Variants in COL11A1 observed in about 807,000 individuals in gnomAD.
COL11A1 encodes the protein collagen type XI alpha 1 chain.
A neutral mutation model predicts 265.2 loss-of-function variants in COL11A1; 74 were observed. That is an observed-to-expected ratio of 0.28 (90% confidence interval 0.23 to 0.34). COL11A1 has a LOEUF of 0.34. Ranked by LOEUF, COL11A1 falls within the 10% of genes least tolerant of loss-of-function variation. COL11A1 has a pLI of 1.00. For missense variants in COL11A1, 2,165 were observed against 2,263.6 expected (o/e 0.96, Z 0.88); for synonymous variants, 816 against 727.6 (o/e 1.12, Z -1.96).
At position 102,914,729 on chromosome 1, in the gene COL11A1, C is replaced by A; in HGVS notation, c.3899G>T (p.Gly1300Val). The stretch of plus-strand genomic sequence containing the variant: ...CGGGTTACCCTTAGGGCCATCATCA[C>A]CTGGTGGCCCCTTGGCACCTGGAGG... ...AGPPGAKGPP[G>V]DDGPKGNPGP... The change falls in exon 51 of 67, where the codon GGT (glycine) becomes GTT (valine). Residue 1300 changes from glycine to valine, a missense_variant. Physicochemically the swap from Gly to Val is moderately radical, Grantham distance 109. Transcript: ENST00000370096. 1 of 1,613,056 alleles carries A rather than the reference C, an allele frequency of 6.2e-7. No individual in the cohort carries two copies. The highest frequency in any genetic ancestry group is 8.5e-7 in the Non-Finnish European group (1 of 1,179,544).
intron 7 of COL11A1, among the ~76,000 whole-genome samples, chr1:103,024,278 C>T (rs1232926092): frequency 1.3e-5 from 2 of 152,176 alleles, no homozygotes; most frequent in Non-Finnish European, 1.5e-5. Context: ...AGGCATGCAC[C>T]AGCATGCCCA....
intron 12 of COL11A1, 59 bp from the exon 13 acceptor site, chr1:103,014,653 G>A (rs997581101): frequency 2.5e-5 from 36 of 1,422,602 alleles, no homozygotes; most frequent in Middle Eastern, 3.5e-4. Flanking sequence ...GTTGAATTAC[G>A]TGCTTTGATC....
rs1665147145 is a variant in COL11A1, at chr1:103,001,948, G to C, written c.2119C>G (p.Pro707Ala). 1 of 1,613,134 alleles carries C rather than the reference G, an allele frequency of 6.2e-7. No homozygotes were observed. Among genetic ancestry groups the C allele is most frequent in the Non-Finnish European group, 8.5e-7 (1 of 1,179,310 alleles). ...ACTTTTTCACCAGGAGGACCAATTG[G>C]ACCTTGTGGACCAGGAAGACCCTAT... ...GPQGLPGPQG[P>A]IGPPGEKGPQ... The change falls in exon 24 of 67, where the codon CCA becomes GCA. Residue 707 changes from proline to alanine, a missense_variant. Transcript: ENST00000370096.
At chr1:103,013,168 CTT>C (rs1666268131) in intron 13 of COL11A1, among the ~76,000 whole-genome samples, 1 of 151,944 alleles carries the variant, frequency 6.6e-6, no homozygotes, top group African/African-American at 2.4e-5. Context: ...CAGATGAACA[CTT>C]AGATTTATCA....
intron 1 of COL11A1, among the ~76,000 whole-genome samples, chr1:103,088,372 G>T (rs1474023716): frequency 2.0e-5 from 3 of 152,180 alleles, no homozygotes; most frequent in Non-Finnish European, 4.4e-5. Flanking sequence ...AACTAAATTG[G>T]TTTTTGTAAC....
At chr1:102,935,527 G>A (rs1367476194) in intron 44 of COL11A1, among the ~76,000 whole-genome samples, 1 of 152,118 alleles carries the variant, frequency 6.6e-6, no homozygotes, top group Non-Finnish European at 1.5e-5. Flanking sequence ...AATTCTGAGG[G>A]TTCTATACAG....
At chr1:102,921,440 C>T (rs1218468500) in intron 48 of COL11A1, 78 bp downstream of exon 48, 1 of 1,193,062 alleles carries the variant, frequency 8.4e-7, no homozygotes, top group Non-Finnish European at 1.2e-6. Flanking sequence ...ATTGTTATAA[C>T]TCACAAAGAG....
At chr1:103,019,923 A>G (rs966606783) in intron 9 of COL11A1, among the ~76,000 whole-genome samples, 1 of 147,462 alleles carries the variant, frequency 6.8e-6, no homozygotes, top group African/African-American at 2.5e-5. Flanking sequence ...TGAACTCATC[A>G]TTTTTTATGG....
At chr1:103,010,844 G>T (rs2101882613) in intron 14 of COL11A1, among the ~76,000 whole-genome samples, 1 of 152,100 alleles carries the variant, frequency 6.6e-6, no homozygotes, top group African/African-American at 2.4e-5. Context: ...GGGATTACAG[G>T]CATGTGCCAC....
At chr1:103,095,358 A>C (rs373400191) in intron 1 of COL11A1, among the ~76,000 whole-genome samples, 1 of 152,062 alleles carries the variant, frequency 6.6e-6, no homozygotes, top group East Asian at 1.9e-4. Context: ...TTTGATTAGT[A>C]CTAAGGAAAA....
chr1:102,943,436 T>TACAC lies in COL11A1; in HGVS notation c.3277-3006_3277-3003dup, dbSNP rs1276350011. On this transcript the variant is annotated intron_variant, in intron 42 of 66. Transcript: ENST00000370096. ...CTGTTTGATGGCATGCCTCTGGAGA[T>TACAC]ACACACACACACACATACACACACA... 9.2e-3 allele frequency among the ~76,000 whole-genome samples: 1,250 copies of TACAC among 135,440 alleles called. 17 individuals carry two copies. Among genetic ancestry groups the TACAC allele is most frequent in the African/African-American group, 0.034 (1,196 of 35,004 alleles). 88.9% of individuals were successfully genotyped at this position (135,440 alleles called of 152,430 possible).
At chr1:103,052,386 C>T (rs1057203380) in intron 4 of COL11A1, among the ~76,000 whole-genome samples, 6 of 152,132 alleles carry the variant, frequency 3.9e-5, no homozygotes, top group African/African-American at 1.4e-4. Context: ...CCCAGGTCTC[C>T]TCCCAAATGC....
chr1:102,970,160 T>C lies in COL11A1; in HGVS notation c.2862+59A>G. The C allele has an allele frequency of 2.2e-6, 3 of 1,354,788 alleles. No individual in the cohort carries two copies. The South Asian group carries it at 3.6e-5, about 16-fold the overall frequency. 83.9% of individuals were successfully genotyped at this position (1,354,788 alleles called of 1,614,324 possible). ...GTTCATAATAAAGTAGCTTTCTATG[T>C]ATGAACTGATGAGGTGCTAGAGATG... On this transcript the variant is annotated intron_variant, in intron 37 of 66. Transcript: ENST00000370096.
chr1:102,946,722 G>T (rs907922437), intron 42 of COL11A1, 127 bp downstream of exon 42: 4 of 761,262 alleles, frequency 5.3e-6, no homozygotes, highest in African/African-American at 3.5e-5. Flanking sequence ...ACGAGCCAGG[G>T]TATTTACATG....
intron 4 of COL11A1, among the ~76,000 whole-genome samples, chr1:103,031,735 G>T (rs182410760): frequency 2.5e-3 from 376 of 151,850 alleles, no homozygotes; most frequent in Non-Finnish European, 4.0e-3. Context: ...ATTATGTTCT[G>T]TTAGAAAAAT....
chr1:103,053,574 C>T (rs1395046768), intron 4 of COL11A1, among the ~76,000 whole-genome samples: 1 of 152,016 alleles, frequency 6.6e-6, no homozygotes, highest in African/African-American at 2.4e-5. Flanking sequence ...CAGTGTGCAG[C>T]AATAAAGAAT....
At chr1:102,894,888 A>G (rs1570652737) in intron 57 of COL11A1, among the ~76,000 whole-genome samples, 1 of 151,760 alleles carries the variant, frequency 6.6e-6, no homozygotes, top group East Asian at 1.9e-4. Context: ...CTATTCTCCC[A>G]CCTCAGCCTC....
intron 4 of COL11A1, among the ~76,000 whole-genome samples, chr1:103,039,750 T>C (rs1231428769): frequency 6.6e-6 from 1 of 152,150 alleles, no homozygotes; most frequent in Non-Finnish European, 1.5e-5. Flanking sequence ...TAGGGTTTTT[T>C]TTTTATTCGT....
intron 4 of COL11A1, among the ~76,000 whole-genome samples, chr1:103,067,744 T>C (rs1351781104): frequency 2.0e-5 from 3 of 151,616 alleles, no homozygotes; most frequent in Non-Finnish European, 4.4e-5. Context: ...AAATTATTAA[T>C]ATAAAGAATA....
Sources: gnomAD v4.1 joint callset for allele counts (sites outside exome capture counted in the v4.1 genomes callset) on GRCh38, gnomAD v4.1.1 for gene constraint, MANE v1.5 for transcripts, NCBI Gene and HGNC (gene_info 2026-07-23, HGNC 2026-07-21) for gene names.